Variants in TYW1 observed in about 807,000 individuals in gnomAD.
TYW1 encodes tRNA-yW synthesizing protein 1 homolog.
In TYW1, 46 loss-of-function variants were observed where a neutral mutation model predicts 96.2. The ratio of observed to expected loss-of-function variants is 0.48; its 90% CI spans 0.38 to 0.61. The LOEUF (loss-of-function observed/expected upper bound fraction) is 0.61. Among genes scored for constraint, TYW1 ranks in the 20% least tolerant of loss-of-function variants. The probability of loss-of-function intolerance (pLI) is 0.00; values close to 1 mark genes in which losing one functional copy is unlikely to be tolerated. For synonymous variants in TYW1, 274 were observed against 323.0 expected (o/e 0.85, Z 1.63); for missense variants, 684 against 909.6 (o/e 0.75, Z 3.19).
chr7:67,003,615 A>G (rs1238892274), intron 3 of TYW1, among the ~76,000 whole-genome samples: 1 of 152,052 alleles, frequency 6.6e-6, no homozygotes, highest in African/African-American at 2.4e-5. Flanking sequence ...AAAGGTTAAT[A>G]ACAAAGGTGA....
chr7:67,189,412 G>A (rs1011575574), intron 14 of TYW1, among the ~76,000 whole-genome samples: 1 of 150,028 alleles, frequency 6.7e-6, no homozygotes, highest in African/African-American at 2.5e-5. Context: ...CGTGTGTTGT[G>A]TGTATGTGCA....
intron 15 of TYW1, among the ~76,000 whole-genome samples, chr7:67,210,873 TATCC>T (rs1336822830): frequency 6.7e-6 from 1 of 148,986 alleles, no homozygotes; most frequent in African/African-American, 2.5e-5. Context: ...ATCATCTATC[TATCC>T]ATCTGTCCAT....
At chr7:67,212,340 T>A (rs1054030892) in intron 15 of TYW1, among the ~76,000 whole-genome samples, 66 of 131,332 alleles carry the variant, frequency 5.0e-4, no homozygotes, top group African/African-American at 1.4e-3. Context: ...TTTTTTTTTT[T>A]ATTGGCAAAT....
At chr7:67,050,126 C>G (rs1186555181) in intron 8 of TYW1, 60 bp downstream of exon 8, 1 of 1,575,006 alleles carries the variant, frequency 6.3e-7, no homozygotes, top group African/African-American at 1.4e-5. Context: ...TCATTTGATA[C>G]CTGGAATGAA....
Position 67,211,150 on chromosome 7 carries a change from T to TTGTGTGTGTGTGTGTGTGTGTGTG in TYW1, c.1977+15831_1977+15854dup, listed in dbSNP as rs61112149. On this transcript the variant is annotated intron_variant, in intron 15 of 15. Transcript: ENST00000359626. ...TTACTTTGCCATACCCCCATCAACA[T>TTGTGTGTGTGTGTGTGTGTGTGTG]TGTGTGTGTGTGTGTGTGTGTGTGT... Among the ~76,000 whole-genome samples the TTGTGTGTGTGTGTGTGTGTGTGTG allele has an allele frequency of 8.7e-4, 110 of 125,720 alleles. 1 individual carries two copies. Among genetic ancestry groups the TTGTGTGTGTGTGTGTGTGTGTGTG allele is most frequent in the Middle Eastern group, 4.0e-3 (1 of 252 alleles). 82.5% of individuals were successfully genotyped at this position (125,720 alleles called of 152,430 possible).
intron 13 of TYW1, among the ~76,000 whole-genome samples, chr7:67,118,927 A>G (rs965043202): frequency 2.0e-5 from 3 of 149,588 alleles, no homozygotes; most frequent in Non-Finnish European, 4.4e-5. Context: ...AATAGTATAC[A>G]TTTAAATATG....
At chr7:67,174,158 A>G (rs1317869329) in intron 13 of TYW1, among the ~76,000 whole-genome samples, 4 of 151,230 alleles carry the variant, frequency 2.6e-5, no homozygotes, top group Admixed American at 2.0e-4. Context: ...TGCTCTTGGG[A>G]TATTCTGAAT....
At chr7:67,168,627 A>G (rs1025922847) in intron 13 of TYW1, among the ~76,000 whole-genome samples, 3 of 152,232 alleles carry the variant, frequency 2.0e-5, no homozygotes, top group African/African-American at 7.2e-5. Context: ...AATGCCAAAT[A>G]TCAAATATCA....
intron 11 of TYW1, among the ~76,000 whole-genome samples, chr7:67,092,050 C>T (rs1156328248): frequency 6.6e-6 from 1 of 152,140 alleles, no homozygotes; most frequent in Non-Finnish European, 1.5e-5. Context: ...GTCCGTGGTC[C>T]TCCTCCCTGT....
intron 9 of TYW1, among the ~76,000 whole-genome samples, chr7:67,064,108 A>G (rs1402042208): frequency 1.3e-5 from 2 of 152,218 alleles, no homozygotes; most frequent in African/African-American, 4.8e-5. Context: ...ACTCAGTATA[A>G]TAAACTGTCA....
intron 15 of TYW1, among the ~76,000 whole-genome samples, chr7:67,209,666 G>A (rs185290261): frequency 2.0e-5 from 3 of 151,992 alleles, no homozygotes; most frequent in Non-Finnish European, 2.9e-5. Context: ...TCCATCTCCC[G>A]GGTTCAAGCA....
intron 13 of TYW1, among the ~76,000 whole-genome samples, chr7:67,119,483 C>T (rs1022646579): frequency 6.6e-6 from 1 of 152,162 alleles, no homozygotes; most frequent in African/African-American, 2.4e-5. Flanking sequence ...GTACCCACCA[C>T]CTTCTCCCTT....
At chr7:67,065,877 G>A (rs1795844229) in intron 9 of TYW1, among the ~76,000 whole-genome samples, 1 of 152,024 alleles carries the variant, frequency 6.6e-6, no homozygotes, top group South Asian at 2.1e-4. Flanking sequence ...TGGGCGTGGT[G>A]CCGCATGCCT....
At chr7:67,194,539 C>G (rs1800326060) in intron 14 of TYW1, among the ~76,000 whole-genome samples, 1 of 152,112 alleles carries the variant, frequency 6.6e-6, no homozygotes, top group Non-Finnish European at 1.5e-5. Flanking sequence ...GCACGAGACT[C>G]TCTTGAACCA....
intron 13 of TYW1, among the ~76,000 whole-genome samples, chr7:67,135,631 T>C (rs973088268): frequency 2.0e-5 from 3 of 151,816 alleles, no homozygotes; most frequent in Non-Finnish European, 2.9e-5. Flanking sequence ...TTTAAAGCCT[T>C]TATGGTTTAT....
At chr7:67,228,968 A>G (rs1156454444) in intron 15 of TYW1, among the ~76,000 whole-genome samples, 1 of 152,226 alleles carries the variant, frequency 6.6e-6, no homozygotes, top group Non-Finnish European at 1.5e-5. Flanking sequence ...GTTAGGAACT[A>G]GTTCATGTAA....
At chr7:67,020,766 A>G (rs1201345168) in intron 6 of TYW1, among the ~76,000 whole-genome samples, 2 of 152,292 alleles carry the variant, frequency 1.3e-5, no homozygotes, top group Non-Finnish European at 2.9e-5. Flanking sequence ...GCGGTGGCTC[A>G]TGCCTATAAT....
At chr7:67,081,748 T>C (rs1796400274) in intron 10 of TYW1, among the ~76,000 whole-genome samples, 1 of 151,154 alleles carries the variant, frequency 6.6e-6, no homozygotes, top group Non-Finnish European at 1.5e-5. Context: ...TTTTCTCATC[T>C]TCTCCTCTTC....
intron 13 of TYW1, among the ~76,000 whole-genome samples, chr7:67,155,803 T>G (rs1189714051): frequency 6.6e-6 from 1 of 152,228 alleles, no homozygotes; most frequent in Non-Finnish European, 1.5e-5. Context: ...TCTTGTGTCC[T>G]TATCATTGAT....
Sources: gnomAD v4.1 joint callset for allele counts (sites outside exome capture counted in the v4.1 genomes callset) on GRCh38, gnomAD v4.1.1 for gene constraint, MANE v1.5 for transcripts, NCBI Gene and HGNC (gene_info 2026-07-23, HGNC 2026-07-21) for gene names.